CPEB1: variants seen among roughly 807,000 people sequenced by gnomAD.
CPEB1 encodes the protein cytoplasmic polyadenylation element binding protein 1.
CPEB1 carries 7 observed loss-of-function variants against 65.8 expected under a neutral mutation model. That is an observed-to-expected ratio of 0.11 (90% CI 0.06 to 0.20). CPEB1 has a LOEUF of 0.20. Among genes scored for constraint, CPEB1 ranks in the 10% least tolerant of loss-of-function variants. The pLI is 1.00. For missense variants in CPEB1, 551 were observed against 712.2 expected (o/e 0.77, Z 2.58); for synonymous variants, 262 against 260.0 (o/e 1.01, Z -0.08).
At chr15:82,617,123 G>C (rs538376186) in intron 3 of CPEB1, among the ~76,000 whole-genome samples, 2 of 152,348 alleles carry the variant, frequency 1.3e-5, no homozygotes, top group East Asian at 3.9e-4. Flanking sequence ...CTGGAGGTTA[G>C]TTGGCATTTG....
At chr15:82,588,237 G>A (rs540408394) in intron 3 of CPEB1, among the ~76,000 whole-genome samples, 6 of 152,002 alleles carry the variant, frequency 3.9e-5, no homozygotes, top group African/African-American at 1.4e-4. Context: ...GTGAGTGACC[G>A]CATCCAGCCC....
intron 3 of CPEB1, among the ~76,000 whole-genome samples, chr15:82,581,630 T>C (rs1374662723): frequency 6.6e-6 from 1 of 152,206 alleles, no homozygotes; most frequent in Non-Finnish European, 1.5e-5. Flanking sequence ...ATAATGGCCA[T>C]CCTAACAAGT....
upstream of CPEB1, chr15:82,648,033 C>T (rs1016325279): frequency 8.4e-6 from 4 of 479,018 alleles, no homozygotes; most frequent in African/African-American, 4.1e-5. Flanking sequence ...GCCCCCCGGC[C>T]GGATGCGGAG....
chr15:82,630,958 G>A (rs762562354), intron 1 of CPEB1, among the ~76,000 whole-genome samples: 2 of 151,968 alleles, frequency 1.3e-5, no homozygotes, highest in African/African-American at 2.4e-5. Context: ...ATATATATAT[G>A]GACTACATGG....
chr15:82,560,825 A>G (rs2038068508), intron 4 of CPEB1, among the ~76,000 whole-genome samples: 1 of 152,232 alleles, frequency 6.6e-6, no homozygotes, highest in African/African-American at 2.4e-5. Flanking sequence ...CAAAGAGGAA[A>G]ACTAAGTTGG....
intron 1 of CPEB1, chr15:82,629,289 A>T (rs775623437): frequency 2.8e-5 from 28 of 985,058 alleles, no homozygotes; most frequent in Non-Finnish European, 3.0e-5. Context: ...TGTATCTGCA[A>T]ACACTAATTA....
intron 3 of CPEB1, among the ~76,000 whole-genome samples, chr15:82,583,734 C>T (rs2041507312): frequency 6.6e-6 from 1 of 152,118 alleles, no homozygotes; most frequent in African/African-American, 2.4e-5. Flanking sequence ...AACTGAATGC[C>T]AGAGGTTAAC....
chr15:82,616,489 T>C (rs985950327), intron 3 of CPEB1, among the ~76,000 whole-genome samples: 1 of 152,184 alleles, frequency 6.6e-6, no homozygotes, highest in African/African-American at 2.4e-5. Context: ...ATCTTAACAT[T>C]TGTTAAAGAT....
chr15:82,575,563 T>C (rs531998929), intron 3 of CPEB1, among the ~76,000 whole-genome samples: 2 of 152,244 alleles, frequency 1.3e-5, no homozygotes, highest in South Asian at 4.1e-4. Context: ...CCCACAACCA[T>C]ATCTGACAAA....
At chr15:82,611,386 A>T (rs1333767748) in intron 3 of CPEB1, among the ~76,000 whole-genome samples, 1 of 152,174 alleles carries the variant, frequency 6.6e-6, no homozygotes, top group Non-Finnish European at 1.5e-5. Flanking sequence ...GACACTGAAA[A>T]CTGTAAGAAA....
intron 3 of CPEB1, chr15:82,573,311 C>T (rs1185441027): frequency 2.0e-5 from 15 of 735,674 alleles, no homozygotes; most frequent in South Asian, 8.4e-5. Flanking sequence ...ATTCTGCTTG[C>T]TCCCTATCTG....
chr15:82,611,600 A>C (rs1248893388), intron 3 of CPEB1, among the ~76,000 whole-genome samples: 1 of 151,884 alleles, frequency 6.6e-6, no homozygotes, highest in African/African-American at 2.4e-5. Context: ...CTACAAAAAA[A>C]TAAAAATAAA....
intron 3 of CPEB1, among the ~76,000 whole-genome samples, chr15:82,618,201 C>T (rs145828452): frequency 6.6e-6 from 1 of 152,220 alleles, no homozygotes; most frequent in Non-Finnish European, 1.5e-5. Context: ...TGCATTCCTA[C>T]CAGCAGTTTG....
chr15:82,581,479 T>G (rs1281526519), intron 3 of CPEB1, among the ~76,000 whole-genome samples: 1 of 152,200 alleles, frequency 6.6e-6, no homozygotes, highest in Non-Finnish European at 1.5e-5. Flanking sequence ...GGAGAATTGC[T>G]GGATCATATG....
At chr15:82,561,591 G>A (rs1262240887) in intron 4 of CPEB1, among the ~76,000 whole-genome samples, 1 of 152,076 alleles carries the variant, frequency 6.6e-6, no homozygotes, top group Admixed American at 6.5e-5. Flanking sequence ...TTTTTAAAAG[G>A]TATTTTGGAA....
chr15:82,557,415 G>C (rs536604461), intron 5 of CPEB1: 1 of 258,718 alleles, frequency 3.9e-6, no homozygotes, highest in Non-Finnish European at 7.3e-6. Context: ...CTGTTTAAGG[G>C]CTAAAGAAAG....
chr15:82,619,133 G>C (rs1430175183), intron 3 of CPEB1, among the ~76,000 whole-genome samples: 2 of 152,188 alleles, frequency 1.3e-5, no homozygotes, highest in Non-Finnish European at 1.5e-5. Context: ...AGAGTATCCA[G>C]AAACGGATCT....
chr15:82,632,211 T>A (rs1020752433), intron 1 of CPEB1, among the ~76,000 whole-genome samples: 1 of 152,080 alleles, frequency 6.6e-6, no homozygotes, highest in East Asian at 1.9e-4. Context: ...CTTGATCTCC[T>A]GACCTCATGA....
intron 3 of CPEB1, among the ~76,000 whole-genome samples, chr15:82,612,323 C>G (rs942325925): frequency 6.6e-6 from 1 of 151,632 alleles, no homozygotes; most frequent in Admixed American, 6.6e-5. Context: ...ATGGTGAAAC[C>G]CCATCTCTAC....
Sources: allele counts gnomAD v4.1 joint callset (sites outside exome capture counted in the v4.1 genomes callset), GRCh38; gene constraint gnomAD v4.1.1; transcripts MANE v1.5; gene names NCBI Gene and HGNC (gene_info 2026-07-23, HGNC 2026-07-21).